The following CALN1 variants were observed in gnomAD, a reference collection of about 807,000 sequenced individuals.
CALN1 encodes the protein calcium-binding protein 8.
In CALN1, 17 loss-of-function variants were observed where a neutral mutation model predicts 30.6. The ratio of observed to expected loss-of-function variants is 0.56; its 90% CI spans 0.38 to 0.83. The LOEUF is 0.83. CALN1 is among the 40% of genes least tolerant of loss of function. The pLI is 0.00. For synonymous variants in CALN1, 156 were observed against 131.4 expected (o/e 1.19, Z -1.28); for missense variants, 291 against 354.9 (o/e 0.82, Z 1.45).
At chr7:71,979,618 G>C (rs1309927857) in intron 5 of CALN1, among the ~76,000 whole-genome samples, 1 of 152,148 alleles carries the variant, frequency 6.6e-6, no homozygotes, top group East Asian at 1.9e-4. Flanking sequence ...ACCTCTTGCT[G>C]TGCAGCCTGC....
intron 3 of CALN1, among the ~76,000 whole-genome samples, chr7:72,241,066 T>G (rs1794796499): frequency 6.6e-6 from 1 of 152,196 alleles, no homozygotes; most frequent in African/African-American, 2.4e-5. Flanking sequence ...CTTTGAACCA[T>G]TTCAATTCCA....
intron 3 of CALN1, among the ~76,000 whole-genome samples, chr7:72,267,949 G>A (rs150332560): frequency 2.6e-5 from 4 of 152,338 alleles, no homozygotes; most frequent in African/African-American, 9.6e-5. Context: ...TGAGGCTGCA[G>A]TGAGCTATGA....
At chr7:72,121,294 T>C (rs538840307) in intron 3 of CALN1, among the ~76,000 whole-genome samples, 170 of 141,290 alleles carry the variant, frequency 1.2e-3, no homozygotes, top group Middle Eastern at 7.2e-3. Flanking sequence ...ATATAAATTA[T>C]ATAATTTATA....
At chr7:72,467,540 C>A in the CALN1 span, among the ~76,000 whole-genome samples, 905 of 152,152 alleles carry the variant, frequency 5.9e-3, 11 homozygotes, top group African/African-American at 0.021. Flanking sequence ...CATGGCAGAG[C>A]CCCACCCAGA....
At chr7:72,025,079 G>A (rs1442626974) in intron 4 of CALN1, among the ~76,000 whole-genome samples, 10 of 152,178 alleles carry the variant, frequency 6.6e-5, no homozygotes, top group Admixed American at 6.5e-4. Context: ...GGAAGGCCGA[G>A]GTGGGTGGAT....
At chr7:72,364,995 C>A (rs1803795958) in intron 2 of CALN1, among the ~76,000 whole-genome samples, 2 of 151,684 alleles carry the variant, frequency 1.3e-5, no homozygotes, top group East Asian at 3.9e-4. Context: ...CATGGTGAAA[C>A]CCAGTCTCTA....
At chr7:71,815,084 C>T (rs1322230080) in intron 5 of CALN1, among the ~76,000 whole-genome samples, 6 of 152,064 alleles carry the variant, frequency 3.9e-5, no homozygotes, top group African/African-American at 7.2e-5. Flanking sequence ...CTGCCCGGCT[C>T]GGCCTCCCAA....
the CALN1 span, among the ~76,000 whole-genome samples, chr7:72,460,569 T>A: frequency 1.3e-5 from 2 of 151,842 alleles, no homozygotes; most frequent in African/African-American, 4.8e-5. Context: ...GAGGTGGAGG[T>A]TGCAGTGAGC....
chr7:72,080,325 C>A (rs1272826135), intron 4 of CALN1, among the ~76,000 whole-genome samples: 1 of 152,180 alleles, frequency 6.6e-6, no homozygotes, highest in Admixed American at 6.5e-5. Flanking sequence ...GTTCTCCTGC[C>A]TCCTCACTCC....
intron 4 of CALN1, among the ~76,000 whole-genome samples, chr7:72,077,519 C>T (rs537223141): frequency 6.6e-6 from 1 of 152,164 alleles, no homozygotes; most frequent in Non-Finnish European, 1.5e-5. Flanking sequence ...AGTGATCTGC[C>T]CGCCTCGGCC....
chr7:72,460,210 G>A, the CALN1 span, among the ~76,000 whole-genome samples: 1 of 152,108 alleles, frequency 6.6e-6, no homozygotes, highest in Non-Finnish European at 1.5e-5. Context: ...CCTCCCACCA[G>A]GCCCCACCTC....
At chr7:71,927,509 C>T (rs991876022) in intron 5 of CALN1, among the ~76,000 whole-genome samples, 7 of 152,172 alleles carry the variant, frequency 4.6e-5, no homozygotes, top group Non-Finnish European at 1.0e-4. Context: ...TGTGCCCAGC[C>T]TCAAATGTTT....
intron 5 of CALN1, among the ~76,000 whole-genome samples, chr7:71,891,965 A>T (rs1362071763): frequency 3.9e-5 from 6 of 152,146 alleles, no homozygotes; most frequent in African/African-American, 9.7e-5. Flanking sequence ...AATAAAAAAA[A>T]AAATAACAAG....
intron 5 of CALN1, among the ~76,000 whole-genome samples, chr7:71,975,266 G>A (rs933484348): frequency 2.5e-4 from 38 of 152,090 alleles, no homozygotes; most frequent in Admixed American, 2.5e-3. Flanking sequence ...GGTGGCATCT[G>A]TGTCCTCAGT....
At chr7:72,471,378 T>C in the CALN1 span, among the ~76,000 whole-genome samples, 1 of 152,134 alleles carries the variant, frequency 6.6e-6, no homozygotes, top group Non-Finnish European at 1.5e-5. Flanking sequence ...TGCTGCCTGG[T>C]GAATGGCTTG....
At chr7:72,481,979 G>A in the CALN1 span, among the ~76,000 whole-genome samples, 1 of 152,008 alleles carries the variant, frequency 6.6e-6, no homozygotes, top group Non-Finnish European at 1.5e-5. Context: ...TTGACACAGA[G>A]GTATTAAAAT....
intron 5 of CALN1, among the ~76,000 whole-genome samples, chr7:72,021,389 T>C (rs1055473959): frequency 6.6e-6 from 1 of 151,690 alleles, no homozygotes; most frequent in African/African-American, 2.4e-5. Flanking sequence ...ATCATCAGAG[T>C]GGACCTCCAT....
intron 3 of CALN1, among the ~76,000 whole-genome samples, chr7:72,255,962 T>C (rs893735352): frequency 2.6e-5 from 4 of 151,868 alleles, no homozygotes; most frequent in African/African-American, 9.7e-5. Context: ...ACTCCTGACC[T>C]CGTGATCCAC....
intron 1 of CALN1, among the ~76,000 whole-genome samples, chr7:72,429,401 G>A (rs890878605): frequency 7.9e-5 from 12 of 152,100 alleles, no homozygotes; most frequent in Non-Finnish European, 1.5e-4. Context: ...TGAATGTGGC[G>A]TAATGTGGGA....
Sources: allele counts gnomAD v4.1 joint callset (sites outside exome capture counted in the v4.1 genomes callset), GRCh38; gene constraint gnomAD v4.1.1; transcripts MANE v1.5; gene names NCBI Gene and HGNC (gene_info 2026-07-23, HGNC 2026-07-21).